Variants in UPRT observed in about 807,000 individuals in gnomAD.
UPRT encodes the protein RP11-311P8.3.
In UPRT, 5 loss-of-function variants were observed where a neutral mutation model predicts 22.6. The observed-to-expected ratio is 0.22, with a 90% confidence interval of 0.12 to 0.47. The LOEUF (loss-of-function observed/expected upper bound fraction) is 0.47. Among genes scored for constraint, UPRT ranks in the 20% least tolerant of loss-of-function variants. UPRT has a pLI of 0.99. For missense variants in UPRT, 181 were observed against 239.9 expected, an observed-to-expected ratio of 0.75 and a Z score of 1.62; for synonymous variants, 77 against 87.7, an observed-to-expected ratio of 0.88 and a Z score of 0.68.
intron 1 of UPRT, among the ~76,000 whole-genome samples, chrX:75,283,159 G>T (rs758645390): frequency 7.2e-5 from 8 of 111,768 alleles, no homozygotes; most frequent in Non-Finnish European, 9.4e-5. Context: ...TTACGTTTGT[G>T]TGAGTCCTCA....
In UPRT at chrX:75,303,390, T is replaced by C. The variant is rs1249922237; in HGVS notation, c.824-15T>C. The stretch of plus-strand genomic sequence containing the variant: ...ACCAAAACATCCTACCATAATAACT[T>C]TTGTTTTTTTGAAGGTGCCAAATCA... On this transcript the variant is annotated splice_polypyrimidine_tract_variant and intron_variant, in intron 6 of 6. Coordinates refer to ENST00000373383, the MANE Select transcript of UPRT (RefSeq NM_145052.4). 1.7e-6 allele frequency: 2 copies of C among 1,174,486 alleles called. No individual in the cohort carries two copies. Among genetic ancestry groups the C allele is most frequent in the Non-Finnish European group, 2.3e-6 (2 of 869,062 alleles).
intron 1 of UPRT, among the ~76,000 whole-genome samples, chrX:75,159,933 C>T (rs996432010): frequency 9.2e-6 from 1 of 109,266 alleles, no homozygotes; most frequent in Non-Finnish European, 1.9e-5. Context: ...CATGCCACCA[C>T]GCCCGGCTAA....
At chrX:75,265,688 T>C (rs1287732699) in intron 4 of UPRT, among the ~76,000 whole-genome samples, 1 of 112,260 alleles carries the variant, frequency 8.9e-6, no homozygotes, top group Non-Finnish European at 1.9e-5. Flanking sequence ...CTCTTCAAAG[T>C]CATTCTCTGT....
chrX:75,167,198 C>T (rs2082215462), intron 3 of UPRT, among the ~76,000 whole-genome samples: 1 of 111,993 alleles, frequency 8.9e-6, no homozygotes, highest in South Asian at 3.7e-4. Flanking sequence ...TGCACTTTCC[C>T]TATGAAATTT....
chrX:75,247,303 A>G (rs755556188), intron 4 of UPRT, among the ~76,000 whole-genome samples: 1 of 111,506 alleles, frequency 9.0e-6, no homozygotes, highest in South Asian at 3.8e-4. Flanking sequence ...CGGGAAGCGC[A>G]AGGGGTAAGG....
intron 4 of UPRT, among the ~76,000 whole-genome samples, chrX:75,171,704 G>A (rs953713098): frequency 5.5e-5 from 6 of 109,803 alleles, no homozygotes; most frequent in African/African-American, 2.0e-4. Flanking sequence ...TCTCATTTGG[G>A]TAGGCTATGT....
At chrX:75,273,396 G>A (rs1292178577), upstream of UPRT, among the ~76,000 whole-genome samples, 1 of 111,013 alleles carries the variant, frequency 9.0e-6, no homozygotes, top group African/African-American at 3.3e-5. Context: ...AAAATGAGCC[G>A]TAAGAACCTG....
At chrX:75,281,951 T>C (rs769745660) in intron 1 of UPRT, among the ~76,000 whole-genome samples, 1 of 111,504 alleles carries the variant, frequency 9.0e-6, no homozygotes, top group Non-Finnish European at 1.9e-5. Flanking sequence ...CTGGTTGTTA[T>C]TGGTCTGTTC....
intron 4 of UPRT, among the ~76,000 whole-genome samples, chrX:75,190,076 T>C (rs2082309660): frequency 8.9e-6 from 1 of 112,254 alleles, no homozygotes; most frequent in Admixed American, 9.4e-5. Flanking sequence ...CTAGCATCGA[T>C]GGTCTTTACA....
intron 4 of UPRT, among the ~76,000 whole-genome samples, chrX:75,220,073 T>C (rs2147634689): frequency 9.0e-6 from 1 of 111,312 alleles, no homozygotes; most frequent in East Asian, 2.8e-4. Context: ...ATATGTGCTT[T>C]ATATATGTGG....
chrX:75,235,340 C>T (rs1034035190), intron 4 of UPRT, among the ~76,000 whole-genome samples: 4 of 111,444 alleles, frequency 3.6e-5, no homozygotes, highest in African/African-American at 1.3e-4. Flanking sequence ...GGATTCACAG[C>T]CGAATTCTAC....
chrX:75,250,190 A>C (rs1370464782), intron 4 of UPRT, among the ~76,000 whole-genome samples: 1 of 111,128 alleles, frequency 9.0e-6, no homozygotes, highest in Non-Finnish European at 1.9e-5. Context: ...AGCTAGCAGA[A>C]GGCAAGAAAT....
At chrX:75,203,481 GACACAC>G (rs56145702) in intron 4 of UPRT, among the ~76,000 whole-genome samples, 1,460 of 90,962 alleles carry the variant, frequency 0.016, 14 homozygotes, top group Non-Finnish European at 0.021. Context: ...AAGGGTTAAA[GACACAC>G]ACACACACAC....
At chrX:75,202,640 A>G (rs1464114529) in intron 4 of UPRT, 5 of 112,296 alleles carry the variant, frequency 4.5e-5, no homozygotes, top group African/African-American at 1.6e-4. Context: ...AACAAGGGCA[A>G]CAAATAGAAA....
intron 4 of UPRT, among the ~76,000 whole-genome samples, chrX:75,244,692 A>C (rs921381742): frequency 6.3e-5 from 7 of 111,068 alleles, no homozygotes; most frequent in African/African-American, 2.3e-4. Flanking sequence ...CTCTTCAATA[A>C]ATGGTTCAAA....
At chrX:75,157,258 T>C (rs1415428802) in intron 1 of UPRT, among the ~76,000 whole-genome samples, 1 of 112,270 alleles carries the variant, frequency 8.9e-6, no homozygotes, top group Admixed American at 9.5e-5. Flanking sequence ...CAAATAATTA[T>C]GGACTTCTTA....
chrX:75,173,893 T>G (rs376295200), intron 4 of UPRT, among the ~76,000 whole-genome samples: 1 of 111,707 alleles, frequency 9.0e-6, no homozygotes, highest in Admixed American at 9.4e-5. Context: ...CTGCTCCGAG[T>G]GCGGGGCCCG....
intron 4 of UPRT, among the ~76,000 whole-genome samples, chrX:75,199,576 G>T (rs2082342085): frequency 9.1e-6 from 1 of 110,413 alleles, no homozygotes; most frequent in Non-Finnish European, 1.9e-5. Context: ...TGCTGCAGGG[G>T]AGACTCAGCA....
chrX:75,258,967 C>A (rs6647101), intron 4 of UPRT, among the ~76,000 whole-genome samples: 13,963 of 111,265 alleles, frequency 0.13, 1,537 homozygotes, highest in East Asian at 0.91. Flanking sequence ...GCTGGTGATA[C>A]CCAGGCAAAC....
Sources: gnomAD v4.1 joint callset for allele counts (sites outside exome capture counted in the v4.1 genomes callset) on GRCh38, gnomAD v4.1.1 for gene constraint, MANE v1.5 for transcripts, NCBI Gene and HGNC (gene_info 2026-07-23, HGNC 2026-07-21) for gene names.